SLC9C2: variants seen among roughly 807,000 people sequenced by gnomAD.
SLC9C2 encodes sodium/hydrogen exchanger 11.
In SLC9C2, 75 loss-of-function variants were observed where a neutral mutation model predicts 140.2. That is an observed-to-expected ratio of 0.53 (90% CI 0.44 to 0.65). The LOEUF (loss-of-function observed/expected upper bound fraction) is 0.65. SLC9C2 is among the 30% of genes least tolerant of loss of function. The probability of loss-of-function intolerance (pLI) is 0.00; values close to 1 mark genes in which losing one functional copy is unlikely to be tolerated. For synonymous variants in SLC9C2, 375 were observed against 420.9 expected (o/e 0.89, Z 1.34); for missense variants, 1,074 against 1,331.8 (o/e 0.81, Z 3.01).
intron 4 of SLC9C2, among the ~76,000 whole-genome samples, chr1:173,594,455 T>C (rs1375801463): frequency 1.3e-5 from 2 of 152,166 alleles, no homozygotes; most frequent in East Asian, 1.9e-4. Flanking sequence ...AAAATTACAA[T>C]TTTTAAAAAG....
chr1:173,548,091 T>C (rs1463111710), intron 12 of SLC9C2, among the ~76,000 whole-genome samples: 1 of 152,204 alleles, frequency 6.6e-6, no homozygotes, highest in Non-Finnish European at 1.5e-5. Flanking sequence ...GAGAGAATTA[T>C]CAGTATCTTA....
Position 173,600,281 on chromosome 1 carries a change from C to T in SLC9C2, c.128-64G>A, listed in dbSNP as rs1666706439. On this transcript the variant is annotated intron_variant, in intron 2 of 27. Transcript: ENST00000367714. ...AGTACAGTTTCTACCAAATGTGTAT[C>T]ACTTTTGCACCATCCCAAAGTAAGT... 2.7e-6 allele frequency: 3 copies of T among 1,120,126 alleles called. No individual in the cohort carries two copies. The South Asian group carries it at 4.8e-5, about 18-fold the overall frequency. 69.4% of individuals were successfully genotyped at this position (1,120,126 alleles called of 1,614,324 possible). A position where few individuals can be genotyped will look rare whatever the true frequency, so the allele number is the denominator to read the frequency against.
intron 21 of SLC9C2, among the ~76,000 whole-genome samples, chr1:173,522,123 T>C (rs1660871422): frequency 6.6e-6 from 1 of 151,224 alleles, no homozygotes; most frequent in Non-Finnish European, 1.5e-5. Flanking sequence ...AGCTACAGGC[T>C]GGGCAGGAGA....
At chr1:173,511,438 G>C (rs1420280875) in intron 23 of SLC9C2, among the ~76,000 whole-genome samples, 1 of 126,860 alleles carries the variant, frequency 7.9e-6, no homozygotes, top group Non-Finnish European at 1.6e-5. Context: ...TTTTTCATAT[G>C]TTTGTTGGCT....
At chr1:173,538,669 G>A (rs16846192) in intron 13 of SLC9C2, among the ~76,000 whole-genome samples, 10,798 of 152,174 alleles carry the variant, frequency 0.071, 1,287 homozygotes, top group African/African-American at 0.24. Context: ...TGAGTTTTAA[G>A]GAGAAGTACA....
chr1:173,547,625 A>G, intron 13 of SLC9C2, 64 bp downstream of exon 13: 3 of 1,221,408 alleles, frequency 2.5e-6, no homozygotes, highest in Non-Finnish European at 3.5e-6. Flanking sequence ...TCTGAAAATC[A>G]TATGCAAGGA....
At chr1:173,519,121 G>T (rs1660625498) in intron 22 of SLC9C2, among the ~76,000 whole-genome samples, 3 of 152,016 alleles carry the variant, frequency 2.0e-5, no homozygotes, top group South Asian at 4.2e-4. Flanking sequence ...CGGGAATATT[G>T]CGGGGACTGT....
chr1:173,539,876 T>C (rs965484286), intron 13 of SLC9C2, among the ~76,000 whole-genome samples: 1 of 152,034 alleles, frequency 6.6e-6, no homozygotes, highest in African/African-American at 2.4e-5. Context: ...AAAAAGTAAA[T>C]GTGGTAGGTC....
intron 5 of SLC9C2, among the ~76,000 whole-genome samples, chr1:173,583,831 G>A (rs915258529): frequency 1.3e-5 from 2 of 152,188 alleles, no homozygotes; most frequent in Admixed American, 1.3e-4. Context: ...AAAGAAACAT[G>A]GCGATAGCAC....
intron 13 of SLC9C2, among the ~76,000 whole-genome samples, chr1:173,543,678 C>G (rs1401156167): frequency 6.6e-6 from 1 of 152,138 alleles, no homozygotes; most frequent in Non-Finnish European, 1.5e-5. Context: ...TGGAACAGAA[C>G]AGAGGCATCA....
Position 173,530,061 on chromosome 1 carries a change from T to G in SLC9C2, c.2164-7A>C, listed in dbSNP as rs771429014. ...TCAGTATTGGTACTATTATCTGGAATAATGAGAAGAAGAAAAAAAAACCTG... is the reference window on the plus strand; with the variant it reads ...TCAGTATTGGTACTATTATCTGGAAGAATGAGAAGAAGAAAAAAAAACCTG... On this transcript the variant is annotated splice_polypyrimidine_tract_variant and splice_region_variant and intron_variant, in intron 17 of 27. Transcript: ENST00000367714. 4 of 1,571,358 alleles carry G rather than the reference T, an allele frequency of 2.5e-6. No homozygotes were observed. The African/African-American group carries it at 5.5e-5, about 22-fold the overall frequency.
At chr1:173,545,961 G>A (rs723123) in intron 13 of SLC9C2, among the ~76,000 whole-genome samples, 53,942 of 151,698 alleles carry the variant, frequency 0.36, 12,026 homozygotes, top group East Asian at 0.64. Context: ...GGTGGCATTC[G>A]GAGTGGGAAA....
In SLC9C2 at chr1:173,533,741, A is replaced by T. The variant is rs1392044198; in HGVS notation, c.2031T>A (p.Phe677Leu). The change falls in exon 17 of 28, where the codon TTT becomes TTA. Residue 677 changes from phenylalanine (F) to leucine (L), a missense_variant. By Grantham distance (22) the Phe-to-Leu change is conservative. Transcript: ENST00000367714. ...FQQCWNTLEF[F>L]ILVIGIIDIF... ...TATCAATGATTCCAATAACCAGGATAAAAAATTCCAAAGTATTCCAACATT... is the reference window on the plus strand; with the variant it reads ...TATCAATGATTCCAATAACCAGGATTAAAAATTCCAAAGTATTCCAACATT... 6.2e-7 allele frequency: 1 copy of T among 1,606,190 alleles called. No homozygotes were observed. Among genetic ancestry groups the T allele is most frequent in the Non-Finnish European group, 8.5e-7 (1 of 1,175,230 alleles).
At chr1:173,550,436 A>ATT (rs1467477294) in intron 11 of SLC9C2, among the ~76,000 whole-genome samples, 40 of 122,922 alleles carry the variant, frequency 3.3e-4, no homozygotes, top group African/African-American at 1.4e-3. Flanking sequence ...TTATTTATTT[A>ATT]TTTATTTATT....
chr1:173,534,534 A>G lies in SLC9C2; in HGVS notation c.1924T>C (p.Ser642Pro), dbSNP rs773278363. ...AAAAACATAAAATAGTAGTTTATTG[A>G]TATCAGTGCTGATACATTTAAACCT... ...ARGLNVSALI[S>P]INYYFMFLYV... Residue 642 changes from serine (S) to proline (P), a missense_variant, in exon 16 of 28, where the codon TCA becomes CCA. Physicochemically the swap from Ser to Pro is moderately conservative, Grantham distance 74. Transcript: ENST00000367714. The G allele has an allele frequency of 1.4e-5, 22 of 1,592,280 alleles. No individual in the cohort carries two copies. The highest frequency in any genetic ancestry group is 1.9e-5 in the Non-Finnish European group (22 of 1,172,298).
intron 11 of SLC9C2, among the ~76,000 whole-genome samples, chr1:173,552,201 C>T (rs536035004): frequency 2.0e-5 from 3 of 152,106 alleles, no homozygotes; most frequent in Non-Finnish European, 4.4e-5. Context: ...TAGGAGCTAG[C>T]GGAGATTGGT....
intron 9 of SLC9C2, among the ~76,000 whole-genome samples, chr1:173,567,178 G>A (rs1015291172): frequency 2.0e-5 from 3 of 152,016 alleles, no homozygotes; most frequent in Non-Finnish European, 4.4e-5. Flanking sequence ...ATATCTATAA[G>A]GTCTATTTGT....
chr1:173,563,767 A>G (rs1664272455), intron 9 of SLC9C2, among the ~76,000 whole-genome samples: 1 of 152,086 alleles, frequency 6.6e-6, no homozygotes, highest in Non-Finnish European at 1.5e-5. Flanking sequence ...AACTATAGTC[A>G]CCCTGTTGTG....
rs568207552 is a variant in SLC9C2, at chr1:173,539,131, C to CT, written c.1558-2093dup. 1.1e-4 allele frequency among the ~76,000 whole-genome samples: 16 copies of CT among 152,262 alleles called. No homozygotes were observed. The South Asian group carries it at 3.3e-3, about 32-fold the overall frequency. On this transcript the variant is annotated intron_variant, in intron 13 of 27. Transcript: ENST00000367714. ...CAAACTAATTTGAGCATGGAAACTT[C>CT]TTTTTTCATGCAGTTTCTATTAGCA...
Sources: gnomAD v4.1 joint callset for allele counts (sites outside exome capture counted in the v4.1 genomes callset) on GRCh38, gnomAD v4.1.1 for gene constraint, MANE v1.5 for transcripts, NCBI Gene and HGNC (gene_info 2026-07-23, HGNC 2026-07-21) for gene names.